BLTP3B: variants seen among roughly 807,000 people sequenced by gnomAD.
BLTP3B encodes the protein UHRF1 (ICBP90) binding protein 1-like.
the BLTP3B span, chr12:100,050,257 T>C: frequency 6.2e-7 from 1 of 1,611,872 alleles, no homozygotes; most frequent in Non-Finnish European, 8.5e-7. Context: ...GATTTCTGTA[T>C]CTTCCCCTCG....
At chr12:100,141,906 G>A in the BLTP3B span, among the ~76,000 whole-genome samples, 1,410 of 151,622 alleles carry the variant, frequency 9.3e-3, 30 homozygotes, top group African/African-American at 0.032. Context: ...TAGAGTTGCA[G>A]AGGAAAAAGA....
At chr12:100,067,898 C>T in the BLTP3B span, among the ~76,000 whole-genome samples, 1 of 152,078 alleles carries the variant, frequency 6.6e-6, no homozygotes, top group African/African-American at 2.4e-5. Flanking sequence ...TGGGTGGAAT[C>T]AATATTGGGA....
chr12:100,070,049 A>G, the BLTP3B span: 618 of 1,388,658 alleles, frequency 4.5e-4, no homozygotes, highest in Non-Finnish European at 5.4e-4. Context: ...AGAAAAAACA[A>G]TGAATTTAGA....
At chr12:100,051,678 G>A in the BLTP3B span, 1 of 152,694 alleles carries the variant, frequency 6.5e-6, no homozygotes, top group African/African-American at 2.4e-5. Flanking sequence ...TTTGTGGTAT[G>A]AGGGGCTAAT....
the BLTP3B span, among the ~76,000 whole-genome samples, chr12:100,084,252 G>A: frequency 9.9e-5 from 15 of 151,968 alleles, no homozygotes; most frequent in African/African-American, 3.6e-4. Flanking sequence ...AGCACTTTGC[G>A]GAGGGCCAAG....
the BLTP3B span, among the ~76,000 whole-genome samples, chr12:100,103,747 C>T: frequency 6.6e-6 from 1 of 152,072 alleles, no homozygotes; most frequent in Non-Finnish European, 1.5e-5. Context: ...AAGGTTAAAG[C>T]TTCTCATTTA....
the BLTP3B span, among the ~76,000 whole-genome samples, chr12:100,080,800 G>C: frequency 7.5e-6 from 1 of 134,046 alleles, no homozygotes; most frequent in African/African-American, 2.7e-5. Flanking sequence ...AGAAATCTGA[G>C]GACATAAGAT....
At chr12:100,129,223 T>C in the BLTP3B span, among the ~76,000 whole-genome samples, 1 of 151,598 alleles carries the variant, frequency 6.6e-6, no homozygotes, top group South Asian at 2.1e-4. Flanking sequence ...CAAAGAGATA[T>C]CCAGCAATAG....
At chr12:100,081,454 G>T in the BLTP3B span, among the ~76,000 whole-genome samples, 12 of 152,096 alleles carry the variant, frequency 7.9e-5, no homozygotes, top group Non-Finnish European at 1.8e-4. Context: ...ACATGTGCAG[G>T]TTTGTTATAC....
At chr12:100,120,649 C>T in the BLTP3B span, among the ~76,000 whole-genome samples, 21 of 152,114 alleles carry the variant, frequency 1.4e-4, no homozygotes, top group African/African-American at 5.1e-4. Flanking sequence ...CAAGTTGAAA[C>T]CACTTTGGAA....
At chr12:100,101,772 G>A in the BLTP3B span, among the ~76,000 whole-genome samples, 1 of 152,102 alleles carries the variant, frequency 6.6e-6, no homozygotes, top group African/African-American at 2.4e-5. Flanking sequence ...GAATTTTAGA[G>A]TAACCCAAAA....
the BLTP3B span, among the ~76,000 whole-genome samples, chr12:100,098,749 A>AAC: frequency 1.9e-4 from 29 of 151,704 alleles, no homozygotes; most frequent in African/African-American, 7.0e-4. Context: ...TAAAAAAAAA[A>AAC]ACACAAAAAA....
At chr12:100,048,737 A>G in the BLTP3B span, among the ~76,000 whole-genome samples, 2,194 of 96,896 alleles carry the variant, frequency 0.023, 21 homozygotes, top group African/African-American at 0.049. Flanking sequence ...AAGGGGGGGG[A>G]GAGAGAGAGA....
At chr12:100,047,851 T>C in the BLTP3B span, 1 of 1,226,546 alleles carries the variant, frequency 8.2e-7, no homozygotes, top group African/African-American at 1.5e-5. Context: ...GCTGATAGAA[T>C]ATATTTTATA....
At chr12:100,129,730 G>A in the BLTP3B span, among the ~76,000 whole-genome samples, 10 of 152,062 alleles carry the variant, frequency 6.6e-5, 1 homozygote, top group Admixed American at 2.6e-4. Context: ...CTATTATGAA[G>A]AGATACAGAC....
chr12:100,071,371 C>T, the BLTP3B span, among the ~76,000 whole-genome samples: 2 of 151,696 alleles, frequency 1.3e-5, no homozygotes, highest in African/African-American at 4.8e-5. Context: ...TTGGCACACA[C>T]ATGTAGTCCC....
the BLTP3B span, chr12:100,108,300 A>T: frequency 7.5e-7 from 1 of 1,342,066 alleles, no homozygotes; most frequent in South Asian, 1.4e-5. Flanking sequence ...TCTAAAATTA[A>T]GTATTTTAAA....
At chr12:100,112,574 A>C in the BLTP3B span, among the ~76,000 whole-genome samples, 1 of 152,090 alleles carries the variant, frequency 6.6e-6, no homozygotes, top group South Asian at 2.1e-4. Flanking sequence ...AAAAAAGTAG[A>C]CTTGATTTAG....
chr12:100,058,499 A>G, the BLTP3B span: 1 of 1,613,402 alleles, frequency 6.2e-7, no homozygotes, highest in East Asian at 2.2e-5. Context: ...CTGACATATG[A>G]TTAACAGTTA....
Sources: allele counts gnomAD v4.1 joint callset (sites outside exome capture counted in the v4.1 genomes callset), GRCh38; gene constraint gnomAD v4.1.1; transcripts MANE v1.5; gene names NCBI Gene and HGNC (gene_info 2026-07-23, HGNC 2026-07-21).